Variants in RSRC1 observed in about 807,000 individuals in gnomAD.
The protein encoded by RSRC1 is arginine and serine rich coiled-coil 1.
RSRC1 carries 39 observed loss-of-function variants against 49.1 expected under a neutral mutation model. The observed-to-expected ratio is 0.79, with a 90% CI of 0.61 to 1.04. RSRC1 has a LOEUF of 1.04. Among genes scored for constraint, RSRC1 ranks in the 50% least tolerant of loss-of-function variants. The pLI is 0.00. For synonymous variants in RSRC1, 143 were observed against 130.8 expected (o/e 1.09, Z -0.63); for missense variants, 388 against 402.4 (o/e 0.96, Z 0.31).
chr3:158,435,772 T>C (rs760275505), intron 6 of RSRC1, among the ~76,000 whole-genome samples: 17 of 151,724 alleles, frequency 1.1e-4, no homozygotes, highest in Admixed American at 7.9e-4. Context: ...ATATAAAACG[T>C]ACATCTTCTA....
chr3:158,195,974 G>A lies in RSRC1; in HGVS notation c.321-7098G>A, dbSNP rs188574329. ...TCTTTTGGCTTAGGATTGACTTGGC[G>A]ATGCGGGCTCTTTTTTGGTTCCATA... On this transcript the variant is annotated intron_variant, in intron 3 of 9. Coordinates refer to ENST00000611884, the MANE Select transcript of RSRC1 (RefSeq NM_001271838.2). Among the ~76,000 whole-genome samples the A allele has an allele frequency of 2.3e-3, 346 of 152,046 alleles. 2 individuals are homozygous for A. The highest frequency in any genetic ancestry group is 0.01 in the Middle Eastern group (3 of 294).
At chr3:158,321,524 A>T (rs115297644) in intron 5 of RSRC1, among the ~76,000 whole-genome samples, 1,889 of 150,732 alleles carry the variant, frequency 0.013, 50 homozygotes, top group African/African-American at 0.044. Flanking sequence ...TAATGCTACC[A>T]TTTTGATATG....
At chr3:158,143,949 G>A (rs1393633218) in intron 3 of RSRC1, among the ~76,000 whole-genome samples, 1 of 152,100 alleles carries the variant, frequency 6.6e-6, no homozygotes, top group African/African-American at 2.4e-5. Context: ...AATTGGTGTT[G>A]TTACACTTTG....
chr3:158,283,918 T>A (rs573997930), intron 4 of RSRC1, among the ~76,000 whole-genome samples: 1 of 151,896 alleles, frequency 6.6e-6, no homozygotes, highest in Admixed American at 6.6e-5. Flanking sequence ...TACTCTAAGT[T>A]CTAGGGTACA....
At chr3:158,408,361 G>A (rs1734261590) in intron 6 of RSRC1, among the ~76,000 whole-genome samples, 1 of 152,142 alleles carries the variant, frequency 6.6e-6, no homozygotes, top group African/African-American at 2.4e-5. Flanking sequence ...GTCAACACTG[G>A]CATATTGAGC....
intron 4 of RSRC1, among the ~76,000 whole-genome samples, chr3:158,293,611 G>A (rs1459728330): frequency 6.6e-6 from 1 of 151,688 alleles, no homozygotes; most frequent in African/African-American, 2.4e-5. Context: ...CTCAATTCTA[G>A]GCCATCCTTT....
At chr3:158,496,738 G>T (rs1198868733) in intron 7 of RSRC1, 9 of 290,368 alleles carry the variant, frequency 3.1e-5, no homozygotes, top group African/African-American at 2.0e-4. Flanking sequence ...TGTCATGTTG[G>T]TGGTGGCCCT....
rs185553618 is a variant in RSRC1, at chr3:158,247,118, C to T, written c.494+43873C>T. On this transcript the variant is annotated intron_variant, in intron 4 of 9. Transcript: ENST00000611884. ...CTATTCTTGTTTGCCTGTCCTTATT[C>T]AGAAAGCCAGTCTTCTAGCTCTGAG... Among the ~76,000 whole-genome samples the T allele has an allele frequency of 6.6e-5, 10 of 152,186 alleles. No homozygotes were observed. The East Asian group carries it at 1.2e-3, about 18-fold the overall frequency.
chr3:158,250,286 A>G (rs1446521544), intron 4 of RSRC1, among the ~76,000 whole-genome samples: 1 of 152,202 alleles, frequency 6.6e-6, no homozygotes, highest in East Asian at 1.9e-4. Flanking sequence ...GTGGGAGTGC[A>G]GATGATCTTG....
intron 5 of RSRC1, among the ~76,000 whole-genome samples, chr3:158,350,386 C>T (rs1444122272): frequency 6.6e-6 from 1 of 151,828 alleles, no homozygotes; most frequent in Non-Finnish European, 1.5e-5. Flanking sequence ...GTTGCCCAGG[C>T]TGGTCTCGAA....
At chr3:158,348,161 C>T (rs574223366) in intron 5 of RSRC1, among the ~76,000 whole-genome samples, 1 of 152,254 alleles carries the variant, frequency 6.6e-6, no homozygotes, top group South Asian at 2.1e-4. Context: ...CTACTTTTCT[C>T]TCTTTAACAA....
intron 4 of RSRC1, among the ~76,000 whole-genome samples, chr3:158,212,427 T>A (rs1259031878): frequency 6.6e-6 from 1 of 151,914 alleles, no homozygotes; most frequent in Non-Finnish European, 1.5e-5. Flanking sequence ...TTATCAATCA[T>A]GCTACAGTTA....
At chr3:158,246,140 G>A (rs577887799) in intron 4 of RSRC1, among the ~76,000 whole-genome samples, 1 of 151,144 alleles carries the variant, frequency 6.6e-6, no homozygotes, top group East Asian at 2.0e-4. Context: ...GCAAACTATC[G>A]TTAAGAACAA....
At chr3:158,420,046 A>G (rs1314265237) in intron 6 of RSRC1, among the ~76,000 whole-genome samples, 4 of 151,410 alleles carry the variant, frequency 2.6e-5, no homozygotes, top group African/African-American at 7.3e-5. Context: ...TACCCTCCTC[A>G]TAGGCAGGCT....
intron 4 of RSRC1, among the ~76,000 whole-genome samples, chr3:158,295,296 C>T (rs1274728526): frequency 6.6e-6 from 1 of 151,986 alleles, no homozygotes; most frequent in Non-Finnish European, 1.5e-5. Context: ...TGAGTGAAAC[C>T]AGGTTAGTAG....
intron 6 of RSRC1, among the ~76,000 whole-genome samples, chr3:158,451,820 G>GCTA (rs1553808981): frequency 1.3e-5 from 2 of 152,050 alleles, no homozygotes; most frequent in Admixed American, 1.3e-4. Flanking sequence ...CTTTAGGTGA[G>GCTA]CTACTGTATT....
chr3:158,273,696 C>G (rs1242583666), intron 4 of RSRC1, among the ~76,000 whole-genome samples: 1 of 152,074 alleles, frequency 6.6e-6, no homozygotes, highest in East Asian at 1.9e-4. Context: ...TAAGCATCCC[C>G]ATACTGAATA....
At chr3:158,422,122 T>C (rs1050427171) in intron 6 of RSRC1, among the ~76,000 whole-genome samples, 5 of 151,288 alleles carry the variant, frequency 3.3e-5, no homozygotes, top group Non-Finnish European at 5.9e-5. Context: ...ATGTGCACAA[T>C]GTGCAGGTTA....
intron 7 of RSRC1, among the ~76,000 whole-genome samples, chr3:158,532,138 C>T (rs1050495699): frequency 4.6e-5 from 7 of 151,162 alleles, no homozygotes; most frequent in African/African-American, 2.4e-5. Flanking sequence ...ATATTTTTTT[C>T]CTGGAATAGT....
Sources: allele counts gnomAD v4.1 joint callset (sites outside exome capture counted in the v4.1 genomes callset), GRCh38; gene constraint gnomAD v4.1.1; transcripts MANE v1.5; gene names NCBI Gene and HGNC (gene_info 2026-07-23, HGNC 2026-07-21).